ANXA5: variants seen among roughly 807,000 people sequenced by gnomAD.
The protein encoded by ANXA5 is annexin A5.
ANXA5 carries 40 observed loss-of-function variants against 48.1 expected under a neutral mutation model. The observed-to-expected ratio is 0.83, with a 90% confidence interval of 0.65 to 1.08. The LOEUF (loss-of-function observed/expected upper bound fraction) is 1.08, where lower values mean the gene tolerates loss of function less well. ANXA5 is among the 50% of genes least tolerant of loss of function. ANXA5 has a pLI of 0.00. For missense variants in ANXA5, 357 were observed against 376.8 expected, an observed-to-expected ratio of 0.95 and a Z score of 0.44; for synonymous variants, 113 against 129.1, an observed-to-expected ratio of 0.88 and a Z score of 0.85.
At chr4:121,669,521 G>A (rs1724576032) in intron 12 of ANXA5, 81 bp downstream of exon 12, 1 of 1,532,136 alleles carries the variant, frequency 6.5e-7, no homozygotes, top group South Asian at 1.2e-5. Context: ...ACAAGAATCA[G>A]GTTCTCTTAT....
At chr4:121,681,913 G>T in intron 5 of ANXA5, 152 bp from the exon 6 acceptor site, 2 of 559,206 alleles carry the variant, frequency 3.6e-6, no homozygotes, top group Non-Finnish European at 3.1e-6. Context: ...ATTAGTTATA[G>T]AAATAACAAG....
chr4:121,679,815 C>T (rs548545545), intron 6 of ANXA5, among the ~76,000 whole-genome samples: 9 of 152,124 alleles, frequency 5.9e-5, no homozygotes, highest in South Asian at 4.1e-4. Context: ...TATATGTGTA[C>T]GTTGTGAAAT....
chr4:121,686,062 T>C (rs1724883511), intron 3 of ANXA5, among the ~76,000 whole-genome samples: 1 of 149,610 alleles, frequency 6.7e-6, no homozygotes, highest in South Asian at 2.1e-4. Flanking sequence ...CAGCTATCAT[T>C]ATTGTTAGTG....
intron 2 of ANXA5, among the ~76,000 whole-genome samples, chr4:121,689,991 T>G (rs1724954400): frequency 6.6e-6 from 1 of 152,024 alleles, no homozygotes; most frequent in Non-Finnish European, 1.5e-5. Flanking sequence ...ACGCCGGTAG[T>G]AGCTGGAGGG....
intron 2 of ANXA5, among the ~76,000 whole-genome samples, chr4:121,688,818 C>T (rs1490293149): frequency 6.6e-6 from 1 of 152,182 alleles, no homozygotes; most frequent in Non-Finnish European, 1.5e-5. Context: ...CAGCAGCTTT[C>T]ACTCCCTCTG....
At chr4:121,677,642 CA>C (rs547946534) in intron 8 of ANXA5, among the ~76,000 whole-genome samples, 2 of 149,686 alleles carry the variant, frequency 1.3e-5, no homozygotes, top group African/African-American at 2.5e-5. Flanking sequence ...TCAATAATCA[CA>C]AAAAAAAACA....
In ANXA5 at chr4:121,668,492, CAGA is replaced by C. The variant is rs774175065; in HGVS notation, c.936_938del (p.Leu315del). 2 of 1,613,542 alleles carry C rather than the reference CAGA, an allele frequency of 1.2e-6. No individual in the cohort carries two copies. Among genetic ancestry groups the C allele is most frequent in the Non-Finnish European group, 1.7e-6 (2 of 1,179,576 alleles). On this transcript the variant is annotated inframe_deletion, in exon 13 of 13. Transcript: ENST00000296511. Reference sequence around the variant, plus strand: ...GTTAGTCATCTTCTCCACAGAGCAGCAGAAGAGCTTTCTTATAGTCCCCAGATG... The same window carrying C: ...GTTAGTCATCTTCTCCACAGAGCAGCAGAGCTTTCTTATAGTCCCCAGATG...
At chr4:121,674,032 T>C (rs973339030) in intron 8 of ANXA5, among the ~76,000 whole-genome samples, 6 of 150,918 alleles carry the variant, frequency 4.0e-5, no homozygotes, top group African/African-American at 1.5e-4. Flanking sequence ...AATACAAAAC[T>C]TATCCAGGCA....
intron 12 of ANXA5, among the ~76,000 whole-genome samples, chr4:121,669,051 C>G (rs1450904544): frequency 1.0e-5 from 1 of 97,334 alleles, no homozygotes; most frequent in Non-Finnish European, 2.5e-5. Context: ...TTAACCTTTA[C>G]TGGAAAAAAA....
chr4:121,668,694 A>C (rs1207090691), intron 12 of ANXA5, among the ~76,000 whole-genome samples, 167 bp from the exon 13 acceptor site: 8 of 152,132 alleles, frequency 5.3e-5, no homozygotes, highest in African/African-American at 1.9e-4. Context: ...CTACCAATGT[A>C]ACCTCAGACA....
chr4:121,690,270 T>C (rs969332100), intron 2 of ANXA5, among the ~76,000 whole-genome samples: 1 of 152,144 alleles, frequency 6.6e-6, no homozygotes, highest in African/African-American at 2.4e-5. Context: ...CACAGGACCT[T>C]GGCTCCTGGG....
In ANXA5 at chr4:121,671,635, G is replaced by A; in HGVS notation, c.633C>T (p.Asp211=). 6.2e-7 allele frequency: 1 copy of A among 1,607,364 alleles called. No individual in the cohort carries two copies. Among genetic ancestry groups the A allele is most frequent in the African/African-American group, 1.3e-5 (1 of 74,860 alleles). ...RSVSHLRKVF[D]KYMTISGFQI... is the part of the protein sequence containing the mutation. ...GAAATCCTGATATAGTCATGTACTT[G>A]TCAAACACTAGAAAAAATAAAAATG... The change falls in exon 10 of 13, where the codon GAC becomes GAT. Residue 211 remains aspartate, a synonymous_variant. Transcript: ENST00000296511.
chr4:121,670,280 T>A (rs1045474701), intron 10 of ANXA5, among the ~76,000 whole-genome samples: 1 of 152,234 alleles, frequency 6.6e-6, no homozygotes, highest in African/African-American at 2.4e-5. Context: ...CTTGGTTCTG[T>A]GAAGACTTTT....
intron 2 of ANXA5, 110 bp downstream of exon 2, chr4:121,696,471 G>A (rs1725084044): frequency 9.5e-7 from 1 of 1,049,914 alleles, no homozygotes; most frequent in Non-Finnish European, 1.2e-6. Context: ...CCCAAAGCAG[G>A]TTCCCTTTCC....
intron 2 of ANXA5, among the ~76,000 whole-genome samples, chr4:121,688,095 G>C (rs1173656982): frequency 6.6e-6 from 1 of 152,150 alleles, no homozygotes; most frequent in South Asian, 2.1e-4. Flanking sequence ...ATCCTTGTAA[G>C]AATCCAGAGA....
chr4:121,684,773 T>A lies in ANXA5; in HGVS notation c.95-2A>T, dbSNP rs773203351. ...TCAGGATGCTCTCCTCATCTGTGCC[T>A]GCAATTTATGGTTAACAATTACATT... On this transcript the variant is annotated splice_acceptor_variant, in intron 3 of 12. Transcript: ENST00000296511. LOFTEE classifies it high-confidence loss of function. 3.1e-6 allele frequency: 5 copies of A among 1,612,626 alleles called. No individual in the cohort carries two copies. Among genetic ancestry groups the A allele is most frequent in the Non-Finnish European group, 4.2e-6 (5 of 1,179,094 alleles).
intron 5 of ANXA5, among the ~76,000 whole-genome samples, chr4:121,682,066 T>A (rs1724802833): frequency 1.3e-5 from 2 of 152,154 alleles, no homozygotes. Context: ...ATCAGTTAAT[T>A]CTAGCTTAAA....
chr4:121,676,685 G>GT (rs1188427288), intron 8 of ANXA5, among the ~76,000 whole-genome samples: 2 of 146,354 alleles, frequency 1.4e-5, no homozygotes, highest in Non-Finnish European at 3.1e-5. Flanking sequence ...GGGGGCGGGG[G>GT]GGGGTATGGT....
Position 121,678,378 on chromosome 4 carries a change from C to A in ANXA5, c.474+37G>T, listed in dbSNP as rs186936197. The A allele has an allele frequency of 2.3e-5, 36 of 1,569,474 alleles. 1 individual carries two copies. In the East Asian group the frequency reaches 4.9e-4, roughly 22 times the overall value. Reference sequence around the variant, plus strand: ...AGATTCAGCCCAGTCCAACTTCAGGCTTTTTAATCAAACTGTAATTAATCT... The same window carrying A: ...AGATTCAGCCCAGTCCAACTTCAGGATTTTTAATCAAACTGTAATTAATCT... On this transcript the variant is annotated intron_variant, in intron 7 of 12. Transcript: ENST00000296511.
Sources: gnomAD v4.1 joint callset for allele counts (sites outside exome capture counted in the v4.1 genomes callset) on GRCh38, gnomAD v4.1.1 for gene constraint, MANE v1.5 for transcripts, NCBI Gene and HGNC (gene_info 2026-07-23, HGNC 2026-07-21) for gene names.